The following MIB1 variants were observed in gnomAD, a reference collection of about 807,000 sequenced individuals.
MIB1 encodes MIB E3 ubiquitin protein ligase 1.
Under a neutral mutation model 124.5 loss-of-function variants are expected in MIB1, and 278 were observed. That is an observed-to-expected ratio of 2.23 (90% CI 2.02 to 2.47). The LOEUF (loss-of-function observed/expected upper bound fraction) is 2.47, where lower values mean the gene tolerates loss of function less well. MIB1 is among the 30% of genes most tolerant of loss of function. The pLI is 0.00. For synonymous variants in MIB1, 446 were observed against 429.4 expected (o/e 1.04, Z -0.48); for missense variants, 957 against 1,254.4 (o/e 0.76, Z 3.58).
At chr18:21,816,893 G>T (rs558257540) in intron 11 of MIB1, among the ~76,000 whole-genome samples, 1 of 152,152 alleles carries the variant, frequency 6.6e-6, no homozygotes, top group South Asian at 2.1e-4. Flanking sequence ...GGAAGAATTG[G>T]GGGGGTGTTA....
intron 1 of MIB1, among the ~76,000 whole-genome samples, chr18:21,746,281 T>G (rs1159918902): frequency 1.3e-5 from 2 of 152,228 alleles, no homozygotes; most frequent in Non-Finnish European, 2.9e-5. Context: ...TCACTACATT[T>G]TGAAGATTTT....
At chr18:21,780,911 A>G (rs2041353671) in intron 6 of MIB1, among the ~76,000 whole-genome samples, 2 of 152,096 alleles carry the variant, frequency 1.3e-5, no homozygotes, top group African/African-American at 4.8e-5. Context: ...GGATTACTGG[A>G]TCATATGGTA....
intron 1 of MIB1, among the ~76,000 whole-genome samples, chr18:21,710,745 G>A (rs1357142910): frequency 6.6e-6 from 1 of 151,468 alleles, no homozygotes; most frequent in Non-Finnish European, 1.5e-5. Flanking sequence ...GTGAGACCTT[G>A]TCTCAAATAT....
intron 1 of MIB1, among the ~76,000 whole-genome samples, chr18:21,735,536 G>A (rs768620900): frequency 1.3e-5 from 2 of 151,198 alleles, no homozygotes; most frequent in Non-Finnish European, 2.9e-5. Flanking sequence ...CCGTTCACTC[G>A]CCTGGAAAGG....
chr18:21,799,881 A>C lies in MIB1; in HGVS notation c.1278A>C (p.Gln426His), dbSNP rs766186919. The change falls in exon 9 of 21, where the codon CAA (glutamine) becomes CAC (histidine). Residue 426 changes from glutamine (Q) to histidine (H), a missense_variant. Physicochemically the swap from Gln to His is conservative, Grantham distance 24 (BLOSUM62 0). Transcript: ENST00000261537. ...SQLLKKLFET[Q>H]ESGDLNEELV... ...TCCTGAAGAAATTATTTGAAACCCA[A>C]GAATCTGGTGACCTCAATGAAGAAT... The C allele has an allele frequency of 6.2e-7, 1 of 1,612,190 alleles. No individual in the cohort carries two copies. The highest frequency in any genetic ancestry group is 1.1e-5 in the South Asian group (1 of 90,944).
chr18:21,756,720 T>A (rs559860124), intron 1 of MIB1, among the ~76,000 whole-genome samples: 3 of 152,308 alleles, frequency 2.0e-5, no homozygotes, highest in African/African-American at 7.2e-5. Flanking sequence ...CACCTGGGCC[T>A]CCCAAAGTGC....
intron 1 of MIB1, among the ~76,000 whole-genome samples, chr18:21,728,174 AAAGTT>A (rs1359661951): frequency 2.6e-5 from 4 of 152,194 alleles, no homozygotes; most frequent in Non-Finnish European, 4.4e-5. Flanking sequence ...GCAATTAAAT[AAAGTT>A]AAGTCTTTCT....
intron 3 of MIB1, among the ~76,000 whole-genome samples, chr18:21,771,770 GCAGATCACAAGAT>G (rs1193941101): frequency 6.6e-6 from 1 of 151,934 alleles, no homozygotes; most frequent in African/African-American, 2.4e-5. Context: ...GCTGAGGTAG[GCAGATCACAAGAT>G]CAGGAGTTTG....
At chr18:21,853,100 T>C (rs768846555) in intron 17 of MIB1, 40 bp from the exon 18 acceptor site, 87 of 1,325,862 alleles carry the variant, frequency 6.6e-5, no homozygotes, top group Non-Finnish European at 9.0e-5. Flanking sequence ...ACTAGATTTA[T>C]CTGTAAATGG....
At chr18:21,777,927 A>G (rs954499702) in intron 4 of MIB1, among the ~76,000 whole-genome samples, 176 bp from the exon 5 acceptor site, 2 of 152,172 alleles carry the variant, frequency 1.3e-5, no homozygotes, top group Admixed American at 6.6e-5. Flanking sequence ...CTATCTGAAG[A>G]TCAGGTTTCT....
chr18:21,862,556 T>A (rs1285557141), intron 20 of MIB1, among the ~76,000 whole-genome samples: 2 of 152,230 alleles, frequency 1.3e-5, no homozygotes, highest in Non-Finnish European at 2.9e-5. Context: ...TTACATTCTT[T>A]CAAGTTCATG....
intron 1 of MIB1, among the ~76,000 whole-genome samples, chr18:21,725,649 C>T (rs1457280358): frequency 6.6e-6 from 1 of 152,104 alleles, no homozygotes; most frequent in African/African-American, 2.4e-5. Flanking sequence ...CAGACTATAA[C>T]CTAACTGGAC....
intron 7 of MIB1, among the ~76,000 whole-genome samples, chr18:21,792,506 C>G (rs1162944728): frequency 6.6e-6 from 1 of 152,172 alleles, no homozygotes; most frequent in African/African-American, 2.4e-5. Context: ...CCCTTCTGTC[C>G]TTTCTGCCTT....
chr18:21,798,881 A>C (rs1364852858), intron 8 of MIB1, among the ~76,000 whole-genome samples: 1 of 152,124 alleles, frequency 6.6e-6, no homozygotes, highest in Non-Finnish European at 1.5e-5. Flanking sequence ...AACTATAACT[A>C]TAAATAGTAA....
intron 1 of MIB1, among the ~76,000 whole-genome samples, chr18:21,714,574 C>T (rs1291721068): frequency 3.3e-5 from 5 of 152,164 alleles, no homozygotes; most frequent in Non-Finnish European, 7.3e-5. Context: ...CACTACAACT[C>T]TCTTGCATAG....
chr18:21,738,692 A>C (rs1219664745), upstream of MIB1, among the ~76,000 whole-genome samples: 2 of 151,480 alleles, frequency 1.3e-5, no homozygotes, highest in Admixed American at 1.3e-4. Flanking sequence ...CTGTGGTCCC[A>C]GGTACTCGGG....
chr18:21,747,570 G>A (rs901020077), intron 1 of MIB1, among the ~76,000 whole-genome samples: 1 of 152,156 alleles, frequency 6.6e-6, no homozygotes, highest in Non-Finnish European at 1.5e-5. Context: ...TTGATTGTTT[G>A]TTGGTAATAC....
intron 20 of MIB1, among the ~76,000 whole-genome samples, chr18:21,861,177 T>C (rs879539043): frequency 6.6e-5 from 10 of 152,172 alleles, no homozygotes; most frequent in Admixed American, 5.2e-4. Context: ...ATAGAATGAA[T>C]AAGTGAAGAT....
At chr18:21,830,784 C>T (rs765184939) in intron 12 of MIB1, 1 of 152,072 alleles carries the variant, frequency 6.6e-6, no homozygotes, top group Non-Finnish European at 1.5e-5. Context: ...TCAGTGAACA[C>T]AGAACCTCAC....
Sources: allele counts gnomAD v4.1 joint callset (sites outside exome capture counted in the v4.1 genomes callset), GRCh38; gene constraint gnomAD v4.1.1; transcripts MANE v1.5; gene names NCBI Gene and HGNC (gene_info 2026-07-23, HGNC 2026-07-21).